COL4A3: variants seen among roughly 807,000 people sequenced by gnomAD.
The protein encoded by COL4A3 is collagen alpha-3(IV) chain.
In COL4A3, 135 loss-of-function variants were observed where a neutral mutation model predicts 217.4. The observed-to-expected ratio is 0.62, with a 90% CI of 0.54 to 0.72. COL4A3 has a LOEUF of 0.72. COL4A3 is among the 30% of genes least tolerant of loss of function. The pLI, the probability that COL4A3 is intolerant of heterozygous loss-of-function variation, is 0.00. For synonymous variants in COL4A3, 690 were observed against 736.3 expected (o/e 0.94, Z 1.02); for missense variants, 1,868 against 2,119.9 (o/e 0.88, Z 2.33).
intron 26 of COL4A3, among the ~76,000 whole-genome samples, 172 bp from the exon 27 acceptor site, chr2:227,276,213 A>G (rs1180821630): frequency 6.6e-6 from 1 of 152,246 alleles, no homozygotes; most frequent in South Asian, 2.1e-4. Context: ...ATTCAATAAG[A>G]AAGTTTCTAT....
intron 1 of COL4A3, among the ~76,000 whole-genome samples, chr2:227,211,570 G>A (rs1439480566): frequency 2.6e-5 from 4 of 152,162 alleles, no homozygotes; most frequent in Non-Finnish European, 5.9e-5. Flanking sequence ...GCTGGAAATC[G>A]ATTTACAATC....
At chr2:227,304,542 A>T (rs2073424120) in intron 46 of COL4A3, among the ~76,000 whole-genome samples, 1 of 152,204 alleles carries the variant, frequency 6.6e-6, no homozygotes. Flanking sequence ...GGAAAAAATG[A>T]TTTAGAAATC....
At chr2:227,287,408 C>T (rs965484882) in intron 34 of COL4A3, among the ~76,000 whole-genome samples, 2 of 150,058 alleles carry the variant, frequency 1.3e-5, no homozygotes, top group African/African-American at 4.9e-5. Context: ...TCCAGCATGG[C>T]GAGAAAGCAA....
chr2:227,218,864 G>T (rs1303572254), intron 1 of COL4A3, among the ~76,000 whole-genome samples: 4 of 152,130 alleles, frequency 2.6e-5, no homozygotes, highest in African/African-American at 9.7e-5. Flanking sequence ...TGTAAAAAAA[G>T]CAGAATTAAT....
intron 1 of COL4A3, among the ~76,000 whole-genome samples, chr2:227,209,294 C>G (rs1483856135): frequency 6.6e-6 from 1 of 152,168 alleles, no homozygotes. Context: ...TCCAGTGGAC[C>G]ATCTAGAACA....
Position 227,282,064 on chromosome 2 carries a change from G to C in COL4A3, c.2489-301G>C, listed in dbSNP as rs906894696. Among the ~76,000 whole-genome samples, 23 of 152,082 alleles carry C rather than the reference G, an allele frequency of 1.5e-4. No individual in the cohort carries two copies. The highest frequency in any genetic ancestry group is 4.4e-4 in the African/African-American group (18 of 41,372). ...AGGTGGGCGGATCATTTGAGGTCAG[G>C]AGTTTGAGACCAGCCTGGCCAACAT... On this transcript the variant is annotated intron_variant, in intron 31 of 51. Transcript: ENST00000396578. This position sits in a 1 kb window ranked among gnomAD's most constrained non-coding sequence, Gnocchi z 4.4.
At chr2:227,283,887 G>A (rs1486668562) in intron 33 of COL4A3, 31 bp downstream of exon 33, 1 of 1,539,118 alleles carries the variant, frequency 6.5e-7, no homozygotes, top group Non-Finnish European at 9.0e-7. Flanking sequence ...CTAAATAGCA[G>A]GAAGCATAAA....
At position 227,202,746 on chromosome 2, in the gene COL4A3, A is replaced by ATATAT. The variant is rs1553738296; in HGVS notation, c.88-35222_88-35221insTATAT. ...CGAGAATCCGTCTCTAAAAAAAAAA[A>ATATAT]ATATATATATATATATATATATATA... On this transcript the variant is annotated intron_variant, in intron 1 of 51. Transcript: ENST00000396578. 1.7e-3 allele frequency among the ~76,000 whole-genome samples: 38 copies of ATATAT among 22,200 alleles called. 5 individuals carry two copies. Among genetic ancestry groups the ATATAT allele is most frequent in the Non-Finnish European group, 3.2e-4 (3 of 9,508 alleles). The allele number at this position is 22,200 out of a possible 152,430, so 14.6% of individuals were successfully genotyped here.
At position 227,299,367 on chromosome 2, in the gene COL4A3, C is replaced by T. The variant is rs200811847; in HGVS notation, c.3882+555C>T. 1.6e-4 allele frequency among the ~76,000 whole-genome samples: 25 copies of T among 152,254 alleles called. No individual in the cohort carries two copies. In the East Asian group the frequency reaches 4.3e-3, roughly 26 times the overall value. The stretch of plus-strand genomic sequence containing the variant: ...CCGAGATAGCGCCACTGCACTCCAG[C>T]CTGGGTGACAGAGTGAGACTCCGTC... On this transcript the variant is annotated intron_variant, in intron 43 of 51. Transcript: ENST00000396578.
chr2:227,289,222 GACT>G lies in COL4A3; in HGVS notation c.2957_2959del (p.Leu986del). The G allele has an allele frequency of 6.2e-7, 1 of 1,613,724 alleles. No individual in the cohort carries two copies. The highest frequency in any genetic ancestry group is 2.2e-5 in the East Asian group (1 of 44,880). Reference sequence around the variant, plus strand: ...ATGCCAGGTTTAAAGGGCCTCAAAGGACTACCCGGACCAGCAGGACCACCAGGT... The same window carrying G: ...ATGCCAGGTTTAAAGGGCCTCAAAGGACCCGGACCAGCAGGACCACCAGGT... On this transcript the variant is annotated inframe_deletion, in exon 35 of 52. Transcript: ENST00000396578.
At chr2:227,235,144 A>ACTGAGGACTTGCATTT (rs72338925) in intron 1 of COL4A3, among the ~76,000 whole-genome samples, 2,251 of 151,002 alleles carry the variant, frequency 0.015, 68 homozygotes, top group African/African-American at 0.051. Flanking sequence ...GGGAGGGGGC[A>ACTGAGGACTTGCATTT]CTGAGGACTT....
Position 227,293,204 on chromosome 2 carries a change from T to G in COL4A3, c.3224T>G (p.Leu1075Arg), listed in dbSNP as rs775116314. The G allele has an allele frequency of 1.5e-5, 25 of 1,613,866 alleles. No individual in the cohort carries two copies. The Admixed American group carries it at 3.3e-4, about 22-fold the overall frequency. The change falls in exon 38 of 52, where the codon CTG becomes CGG. Residue 1075 changes from leucine (L) to arginine (R), a missense_variant. Physicochemically the swap from Leu to Arg is moderately radical, Grantham distance 102. This residue lies in a region of COL4A3 where 1,503 missense variants were observed against 1,786.1 expected (regional missense o/e 0.84). Coordinates refer to ENST00000396578, the MANE Select transcript of COL4A3 (RefSeq NM_000091.5). Reference protein sequence around the residue: ...GPPGPTGDPGLPGDMGKKGEM... With the variant: ...GPPGPTGDPGRPGDMGKKGEM... ...ACTACATTTAAGGGGGATCCAGGAC[T>G]GCCGGGTGATATGGGAAAGAAAGGA...
rs191829138 is a variant in COL4A3 at position 227,290,877 on chromosome 2, G to A, written c.3201G>A (p.Pro1067=). ...GYSEGTRPGP[P]GPTGDPGLPG... is the part of the protein sequence containing the mutation. ...CAGAAGGTACAAGGCCAGGACCACC[G>A]GGACCAACGGTATATAGGCCACTGA... The change falls in exon 37 of 52, where the codon CCG becomes CCA. Residue 1067 remains proline (P), a synonymous_variant. Transcript: ENST00000396578. The A allele has an allele frequency of 4.3e-6, 7 of 1,612,034 alleles. No homozygotes were observed. Among genetic ancestry groups the A allele is most frequent in the Non-Finnish European group, 4.2e-6 (5 of 1,179,528 alleles).
At chr2:227,220,047 G>C (rs1357493965) in intron 1 of COL4A3, among the ~76,000 whole-genome samples, 1 of 151,712 alleles carries the variant, frequency 6.6e-6, no homozygotes, top group Non-Finnish European at 1.5e-5. Context: ...TTCTGTACTT[G>C]CTGAAGATTT....
chr2:227,171,968 G>A (rs1423454689), intron 1 of COL4A3, among the ~76,000 whole-genome samples: 2 of 152,160 alleles, frequency 1.3e-5, no homozygotes, highest in African/African-American at 2.4e-5. Flanking sequence ...TGGGCTGTCC[G>A]CATGCGCAGT....
intron 28 of COL4A3, 57 bp downstream of exon 28, chr2:227,277,610 A>G: frequency 2.1e-6 from 2 of 964,954 alleles, no homozygotes; most frequent in Non-Finnish European, 1.6e-6. Flanking sequence ...GAAGATGTTC[A>G]TATGTATAAA....
chr2:227,297,783 G>C lies in COL4A3; in HGVS notation c.3675G>C (p.Gly1225=). ...CCACAGGCATAGAAGGATTCCCAGG[G>C]CCACCAGGTCTGCCCGGTGCAATTA... The part of the protein sequence containing the change: ...RGPTGIEGFP[G]PPGLPGAIIP... The change falls in exon 42 of 52, where the codon GGG becomes GGC. Residue 1225 remains glycine, a synonymous_variant. Transcript: ENST00000396578. The C allele has an allele frequency of 6.3e-7, 1 of 1,585,230 alleles. No homozygotes were observed. The highest frequency in any genetic ancestry group is 1.2e-5 in the South Asian group (1 of 86,476).
intron 28 of COL4A3, 29 bp downstream of exon 28, chr2:227,277,582 G>A (rs1437740328): frequency 7.4e-7 from 1 of 1,350,036 alleles, no homozygotes; most frequent in African/African-American, 1.4e-5. Flanking sequence ...CAAACATAAA[G>A]TTTGTTGTGG....
chr2:227,171,951 C>A (rs938926226), intron 1 of COL4A3, among the ~76,000 whole-genome samples: 1 of 152,206 alleles, frequency 6.6e-6, no homozygotes, highest in Non-Finnish European at 1.5e-5. Context: ...TGATTCTTCC[C>A]TTGGGGTGGG....
Sources: allele counts gnomAD v4.1 joint callset (sites outside exome capture counted in the v4.1 genomes callset), GRCh38; gene constraint gnomAD v4.1.1; regional missense constraint gnomAD v4.1.1; non-coding constraint Gnocchi (gnomAD v3.1); transcripts MANE v1.5; gene names NCBI Gene and HGNC (gene_info 2026-07-23, HGNC 2026-07-21).